The following PLPPR1 variants were observed in gnomAD, a reference collection of about 807,000 sequenced individuals.
The protein encoded by PLPPR1 is phospholipid phosphatase-related protein type 1.
In PLPPR1, 10 loss-of-function variants were observed where a neutral mutation model predicts 33.1. The observed-to-expected ratio is 0.30, with a 90% CI of 0.19 to 0.51. The LOEUF (loss-of-function observed/expected upper bound fraction) is 0.51, where lower values mean the gene tolerates loss of function less well. PLPPR1 is among the 20% of genes least tolerant of loss of function. The probability of loss-of-function intolerance (pLI) is 0.97; values close to 1 mark genes in which losing one functional copy is unlikely to be tolerated. For synonymous variants in PLPPR1, 151 were observed against 151.0 expected (o/e 1.00, Z 0.00); for missense variants, 304 against 408.1 (o/e 0.74, Z 2.20).
At chr9:101,058,502 C>T (rs529359837) in intron 1 of PLPPR1, among the ~76,000 whole-genome samples, 72 of 152,244 alleles carry the variant, frequency 4.7e-4, no homozygotes, top group African/African-American at 1.4e-3. Context: ...ACTAAAGTTA[C>T]TCAATCCCCC....
chr9:101,245,533 A>C (rs1157470042), intron 2 of PLPPR1, among the ~76,000 whole-genome samples: 1 of 152,024 alleles, frequency 6.6e-6, no homozygotes, highest in Non-Finnish European at 1.5e-5. Flanking sequence ...TGATGATGTC[A>C]AAGATTTGGT....
At chr9:101,297,538 A>C (rs1245342329) in intron 4 of PLPPR1, among the ~76,000 whole-genome samples, 1 of 152,222 alleles carries the variant, frequency 6.6e-6, no homozygotes, top group Non-Finnish European at 1.5e-5. Flanking sequence ...TCACAAATCC[A>C]ACAATACATT....
chr9:101,302,657 G>A (rs575615128), intron 4 of PLPPR1, among the ~76,000 whole-genome samples: 8 of 152,238 alleles, frequency 5.3e-5, no homozygotes, highest in African/African-American at 1.2e-4. Context: ...AATTCCTTAG[G>A]TATTCCTCTT....
intron 1 of PLPPR1, among the ~76,000 whole-genome samples, chr9:101,144,975 C>T (rs1200059052): frequency 6.6e-6 from 1 of 152,120 alleles, no homozygotes; most frequent in Non-Finnish European, 1.5e-5. Context: ...ACTTATTCCC[C>T]TTTCTCACCA....
chr9:101,321,050 A>G (rs9886802), intron 7 of PLPPR1, among the ~76,000 whole-genome samples: 111,369 of 152,138 alleles, frequency 0.73, 41,984 homozygotes, highest in East Asian at 0.93. Flanking sequence ...CCCCCCTGTG[A>G]GCAAGAACTT....
chr9:101,034,322 C>G (rs901315583), intron 1 of PLPPR1, among the ~76,000 whole-genome samples: 7 of 152,096 alleles, frequency 4.6e-5, no homozygotes, highest in Admixed American at 2.0e-4. Flanking sequence ...TTCCCCACAA[C>G]TACATGACTG....
chr9:101,307,103 A>T (rs1406680829), intron 4 of PLPPR1, among the ~76,000 whole-genome samples: 4 of 152,188 alleles, frequency 2.6e-5, no homozygotes, highest in African/African-American at 9.6e-5. Context: ...TGGACAGCGG[A>T]TGCTCCTGAA....
chr9:101,287,951 C>G (rs1219574330), intron 4 of PLPPR1, among the ~76,000 whole-genome samples: 1 of 152,118 alleles, frequency 6.6e-6, no homozygotes, highest in Non-Finnish European at 1.5e-5. Flanking sequence ...GATCTATTTC[C>G]TGTATATATA....
chr9:101,096,050 C>CCTTACA (rs1204137351), intron 1 of PLPPR1, among the ~76,000 whole-genome samples: 3 of 152,170 alleles, frequency 2.0e-5, no homozygotes, highest in South Asian at 2.1e-4. Context: ...CCAGTAAAAG[C>CCTTACA]CTTACAATTG....
At chr9:101,162,083 G>A (rs2118673184) in intron 1 of PLPPR1, among the ~76,000 whole-genome samples, 1 of 147,076 alleles carries the variant, frequency 6.8e-6, no homozygotes, top group Admixed American at 7.0e-5. Context: ...TAACCTCTCT[G>A]AGCCTCAGTA....
At chr9:101,082,451 A>T (rs2118514081) in intron 1 of PLPPR1, among the ~76,000 whole-genome samples, 1 of 152,166 alleles carries the variant, frequency 6.6e-6, no homozygotes, top group East Asian at 1.9e-4. Flanking sequence ...TTAGGAAAAA[A>T]GTGGTTTGCC....
chr9:101,099,436 GA>G (rs1830867761), intron 1 of PLPPR1, among the ~76,000 whole-genome samples: 1 of 151,636 alleles, frequency 6.6e-6, no homozygotes, highest in South Asian at 2.1e-4. Flanking sequence ...ATTGTGGTGG[GA>G]AAAAAAAGCA....
intron 1 of PLPPR1, among the ~76,000 whole-genome samples, chr9:101,049,413 A>G (rs934825296): frequency 6.6e-6 from 1 of 152,236 alleles, no homozygotes; most frequent in Admixed American, 6.5e-5. Context: ...ATGTGACTTT[A>G]TGTCTATTCA....
intron 1 of PLPPR1, among the ~76,000 whole-genome samples, chr9:101,163,120 C>T (rs1355948200): frequency 2.0e-5 from 3 of 152,072 alleles, no homozygotes; most frequent in Non-Finnish European, 4.4e-5. Flanking sequence ...AATTAATGAT[C>T]TTTTTATCTG....
Position 101,055,975 on chromosome 9 carries a change from A to G in PLPPR1, c.-46+26873A>G, listed in dbSNP as rs762654603. On this transcript the variant is annotated intron_variant, in intron 1 of 7. Transcript: ENST00000374874. Reference sequence around the variant, plus strand: ...CCTGTATCTGTAGTTGACAGTTTCTACTTTATGCAAGTTATTAATACAAAA... The same window carrying G: ...CCTGTATCTGTAGTTGACAGTTTCTGCTTTATGCAAGTTATTAATACAAAA... Among the ~76,000 whole-genome samples, 6 of 152,186 alleles carry G rather than the reference A, an allele frequency of 3.9e-5. No homozygotes were observed. The South Asian group carries it at 6.2e-4, about 16-fold the overall frequency.
At chr9:101,290,585 C>A (rs1828477832) in intron 4 of PLPPR1, among the ~76,000 whole-genome samples, 1 of 152,060 alleles carries the variant, frequency 6.6e-6, no homozygotes, top group Non-Finnish European at 1.5e-5. Context: ...ACCCCAAATT[C>A]CACTGCAAAT....
At chr9:101,144,182 C>T (rs778621054) in intron 1 of PLPPR1, among the ~76,000 whole-genome samples, 28 of 152,028 alleles carry the variant, frequency 1.8e-4, no homozygotes, top group Non-Finnish European at 2.9e-4. Context: ...AACCAAACAC[C>T]GCATGTTCTC....
chr9:101,099,516 T>C (rs1588027417), intron 1 of PLPPR1, among the ~76,000 whole-genome samples: 1 of 152,122 alleles, frequency 6.6e-6, no homozygotes, highest in Admixed American at 6.5e-5. Context: ...CAACCTCAGA[T>C]TGAAAATACA....
chr9:101,049,678 C>T (rs12338807), intron 1 of PLPPR1, among the ~76,000 whole-genome samples: 3,238 of 152,184 alleles, frequency 0.021, 97 homozygotes, highest in East Asian at 0.14. Flanking sequence ...CCGAAGTTGC[C>T]ATTCTTAATG....
Sources: gnomAD v4.1 joint callset for allele counts (sites outside exome capture counted in the v4.1 genomes callset) on GRCh38, gnomAD v4.1.1 for gene constraint, MANE v1.5 for transcripts, NCBI Gene and HGNC (gene_info 2026-07-23, HGNC 2026-07-21) for gene names.